Variants in TRRAP observed in about 807,000 individuals in gnomAD.
TRRAP encodes the protein transformation/transcription domain-associated protein.
A neutral mutation model predicts 438.8 loss-of-function variants in TRRAP; 41 were observed. The ratio of observed to expected loss-of-function variants is 0.09; its 90% CI spans 0.07 to 0.12. The LOEUF (loss-of-function observed/expected upper bound fraction) is 0.12. TRRAP is among the 10% of genes least tolerant of loss of function. The pLI, the probability that TRRAP is intolerant of heterozygous loss-of-function variation, is 1.00. For missense variants in TRRAP, 3,122 were observed against 5,055.1 expected, an observed-to-expected ratio of 0.62 and a Z score of 11.60; for synonymous variants, 1,994 against 1,962.9, an observed-to-expected ratio of 1.02 and a Z score of -0.42.
chr7:98,893,453 C>G (rs1371817197), intron 5 of TRRAP, among the ~76,000 whole-genome samples: 1 of 152,364 alleles, frequency 6.6e-6, no homozygotes, highest in Middle Eastern at 3.4e-3. Flanking sequence ...AGCACAGGGT[C>G]CAGTCCTTGG....
At chr7:99,010,446 A>G (rs1794379144) in intron 70 of TRRAP, among the ~76,000 whole-genome samples, 2 of 152,198 alleles carry the variant, frequency 1.3e-5, no homozygotes, top group African/African-American at 2.4e-5. Context: ...GCTTTCTCAC[A>G]GCCATTCCCA....
intron 69 of TRRAP, among the ~76,000 whole-genome samples, chr7:99,006,787 C>G (rs1794182916): frequency 6.6e-6 from 1 of 152,242 alleles, no homozygotes; most frequent in African/African-American, 2.4e-5. Context: ...AACAAGATAT[C>G]TGAATATTCC....
At chr7:98,991,111 G>A (rs1418580727) in intron 64 of TRRAP, among the ~76,000 whole-genome samples, 3 of 152,160 alleles carry the variant, frequency 2.0e-5, no homozygotes, top group Non-Finnish European at 4.4e-5. Context: ...GGGCCAGGCC[G>A]GGGAAGCGGA....
rs1202869641 is a variant in TRRAP, at chr7:99,007,840, T to TC, written c.10754-536dup. ...TTAAGATGTCTTTTTTTTTTTTTTTTCTTTGAGATGGAGTCTCGCTCTGTC... is the reference window on the plus strand; with the variant it reads ...TTAAGATGTCTTTTTTTTTTTTTTTTCCTTTGAGATGGAGTCTCGCTCTGTC... On this transcript the variant is annotated intron_variant, in intron 69 of 72. Transcript: ENST00000456197. Among the ~76,000 whole-genome samples, 4 of 147,558 alleles carry TC rather than the reference T, an allele frequency of 2.7e-5. No individual in the cohort carries two copies. In the East Asian group the frequency reaches 7.8e-4, roughly 29 times the overall value.
chr7:98,925,028 G>C (rs1789983544), intron 21 of TRRAP, 84 bp from the exon 22 acceptor site: 1 of 1,507,240 alleles, frequency 6.6e-7, no homozygotes, highest in South Asian at 1.3e-5. Context: ...GATTCTTCTG[G>C]GTGCTGCAGA....
chr7:98,993,395 C>T (rs547054161), intron 65 of TRRAP, 143 bp from the exon 66 acceptor site: 123 of 866,488 alleles, frequency 1.4e-4, no homozygotes, highest in Middle Eastern at 1.0e-3. Context: ...CCTTCTCCCA[C>T]GCAGTCCTTG....
In TRRAP at chr7:99,012,266, G is replaced by A. The variant is rs762577142; in HGVS notation, c.11533G>A (p.Gly3845Arg). 4 of 1,613,702 alleles carry A rather than the reference G, an allele frequency of 2.5e-6. No individual in the cohort carries two copies. Among genetic ancestry groups the A allele is most frequent in the Admixed American group, 1.7e-5 (1 of 59,998 alleles). Reference protein sequence around the residue: ...RLHNLAQFEGGESKVNTLVAA... With the variant: ...RLHNLAQFEGRESKVNTLVAA... ...GCACAACCTCGCCCAGTTCGAAGGC[G>A]GGGAAAGCAAGGTGAACACCCTGGT... Residue 3845 changes from glycine (G) to arginine (R), a missense_variant, in exon 73 of 73, where the codon GGG becomes AGG. Gly to Arg is a moderately radical substitution (Grantham distance 125, BLOSUM62 -2). This residue lies in a region of TRRAP where 192 missense variants were observed against 355.6 expected (regional missense o/e 0.54). Coordinates refer to ENST00000456197, the MANE Select transcript of TRRAP (RefSeq NM_001375524.1). This position sits in a 1 kb window ranked among gnomAD's most constrained non-coding sequence, Gnocchi z 5.9.
chr7:98,915,273 A>T (rs1327057741), intron 18 of TRRAP, among the ~76,000 whole-genome samples: 2 of 151,992 alleles, frequency 1.3e-5, no homozygotes, highest in African/African-American at 2.4e-5. Flanking sequence ...GCTCACTGCA[A>T]CCTCTGCCTC....
At position 98,915,877 on chromosome 7, in the gene TRRAP, A is replaced by G. The variant is rs1554409508; in HGVS notation, c.2354A>G (p.Asn785Ser). The change falls in exon 19 of 73, where the codon AAC becomes AGC. Residue 785 changes from asparagine (N) to serine (S), a missense_variant. By Grantham distance (46) the Asn-to-Ser change is conservative. This residue lies in a region of TRRAP where 149 missense variants were observed against 302.8 expected (regional missense o/e 0.49). Coordinates refer to ENST00000456197, the MANE Select transcript of TRRAP (RefSeq NM_001375524.1). ...CAGGAGTTCTTGCCTCTCCTTCCAA[A>G]CCTCCTGCAAGGTCAGAGCAGTGAC... ...LYQEFLPLLP[N>S]LLQGLNMLQS... 1.9e-6 allele frequency: 3 copies of G among 1,613,860 alleles called. No individual in the cohort carries two copies. In the Admixed American group the frequency reaches 5.0e-5, roughly 27 times the overall value.
chr7:98,905,917 C>G (rs1796706231), intron 12 of TRRAP, among the ~76,000 whole-genome samples: 1 of 152,104 alleles, frequency 6.6e-6, no homozygotes, highest in African/African-American at 2.4e-5. Flanking sequence ...GGACACCAAG[C>G]TGATTTATTC....
chr7:98,908,643 G>A lies in TRRAP; in HGVS notation c.1116-85G>A, dbSNP rs1796903375. 2 of 1,266,650 alleles carry A rather than the reference G, an allele frequency of 1.6e-6. No homozygotes were observed. Among genetic ancestry groups the A allele is most frequent in the East Asian group, 5.1e-5 (2 of 39,384 alleles). 78.5% of individuals were successfully genotyped at this position (1,266,650 alleles called of 1,614,324 possible). The stretch of plus-strand genomic sequence containing the variant: ...GTGCCGACCCAGGGGTGGTGTTCCT[G>A]GGGCAGATGGTGATATCCTTGGTGG... On this transcript the variant is annotated intron_variant, in intron 13 of 72. Transcript: ENST00000456197. This position sits in a 1 kb window ranked among gnomAD's most constrained non-coding sequence, Gnocchi z 4.1.
intron 31 of TRRAP, 116 bp downstream of exon 31, chr7:98,943,133 A>T: frequency 1.9e-6 from 2 of 1,032,114 alleles, no homozygotes; most frequent in Middle Eastern, 5.6e-4. Context: ...ACGTGATTGT[A>T]GTCCTTGTAA....
chr7:98,953,741 G>T (rs1554418851), intron 40 of TRRAP, among the ~76,000 whole-genome samples: 4 of 152,186 alleles, frequency 2.6e-5, no homozygotes, highest in Admixed American at 6.5e-5. Flanking sequence ...TGCACACAGT[G>T]TGAAGGTGCC....
rs782013631 is a variant in TRRAP, at chr7:98,955,228, G to A, written c.5861G>A (p.Arg1954Gln). Residue 1954 changes from arginine (R) to glutamine (Q), a missense_variant, in exon 41 of 73, where the codon CGG becomes CAG. Transcript: ENST00000456197. ...CACCAGATGCTGACCCACTGGACCC[G>A]GAAGATCATTGTGGAGGAGGGGCAC... ...DGHQMLTHWTRKIIVEEGHTV... is the reference protein window; with the variant it reads ...DGHQMLTHWTQKIIVEEGHTV... The A allele has an allele frequency of 1.2e-6, 2 of 1,614,178 alleles. No homozygotes were observed. Among genetic ancestry groups the A allele is most frequent in the Non-Finnish European group, 1.7e-6 (2 of 1,180,028 alleles).
At chr7:98,942,630 G>T (rs1554415932) in intron 30 of TRRAP, among the ~76,000 whole-genome samples, 1 of 152,220 alleles carries the variant, frequency 6.6e-6, no homozygotes, top group East Asian at 1.9e-4. Flanking sequence ...GTGACACCCA[G>T]TGTGGGAGCC....
chr7:99,002,526 G>C (rs1793976491), intron 67 of TRRAP, among the ~76,000 whole-genome samples: 1 of 152,210 alleles, frequency 6.6e-6, no homozygotes, highest in African/African-American at 2.4e-5. Context: ...TCTTGGTCCA[G>C]CGTGGAGAGG....
Position 98,977,010 on chromosome 7 carries a change from G to C in TRRAP, c.8319G>C (p.Gln2773His). ...QEEDMWAGLW[Q>H]KRCKYSETAT... ...AAGATATGTGGGCTGGTCTGTGGCA[G>C]AAGCGGTGCAAGTACTCGGAGACAG... Residue 2773 changes from glutamine to histidine, a missense_variant, in exon 56 of 73, where the codon CAG becomes CAC. Physicochemically the swap from Gln to His is conservative, Grantham distance 24. Coordinates refer to ENST00000456197, the MANE Select transcript of TRRAP (RefSeq NM_001375524.1). 1 of 1,614,266 alleles carries C rather than the reference G, an allele frequency of 6.2e-7. No homozygotes were observed. The highest frequency in any genetic ancestry group is 8.5e-7 in the Non-Finnish European group (1 of 1,180,050).
chr7:98,882,620 C>T (rs1287359336), intron 3 of TRRAP, among the ~76,000 whole-genome samples: 5 of 151,750 alleles, frequency 3.3e-5, no homozygotes, highest in Non-Finnish European at 5.9e-5. Flanking sequence ...GCCTCAGCCT[C>T]TCAAGGTGAT....
chr7:98,914,559 T>C (rs549675689), intron 18 of TRRAP, among the ~76,000 whole-genome samples: 1 of 150,570 alleles, frequency 6.6e-6, no homozygotes, highest in African/African-American at 2.4e-5. Flanking sequence ...AAATCGAATG[T>C]TGGAATGTGG....
Sources: allele counts gnomAD v4.1 joint callset (sites outside exome capture counted in the v4.1 genomes callset), GRCh38; gene constraint gnomAD v4.1.1; regional missense constraint gnomAD v4.1.1; non-coding constraint Gnocchi (gnomAD v3.1); transcripts MANE v1.5; gene names NCBI Gene and HGNC (gene_info 2026-07-23, HGNC 2026-07-21).